CDH12: variants seen among roughly 807,000 people sequenced by gnomAD.
The protein encoded by CDH12 is cadherin-12.
In CDH12, 41 loss-of-function variants were observed where a neutral mutation model predicts 74.1. The ratio of observed to expected loss-of-function variants is 0.55; its 90% confidence interval spans 0.43 to 0.72. The LOEUF (loss-of-function observed/expected upper bound fraction) is 0.72. Among genes scored for constraint, CDH12 ranks in the 30% least tolerant of loss-of-function variants. The pLI is 0.00. For synonymous variants in CDH12, 399 were observed against 355.0 expected, an observed-to-expected ratio of 1.12 and a Z score of -1.39; for missense variants, 945 against 977.2, an observed-to-expected ratio of 0.97 and a Z score of 0.44.
intron 3 of CDH12, among the ~76,000 whole-genome samples, chr5:22,358,628 C>T (rs1014149554): frequency 6.6e-6 from 1 of 152,018 alleles, no homozygotes; most frequent in Non-Finnish European, 1.5e-5. Context: ...CAAATGTGGC[C>T]CAGGGCCTAT....
intron 2 of CDH12, among the ~76,000 whole-genome samples, chr5:22,485,089 C>T (rs188560706): frequency 6.6e-6 from 1 of 152,244 alleles, no homozygotes; most frequent in Admixed American, 6.5e-5. Context: ...AATGAAAATA[C>T]ACCACATGAA....
At chr5:21,771,968 A>T (rs1273624304) in intron 11 of CDH12, among the ~76,000 whole-genome samples, 2 of 152,072 alleles carry the variant, frequency 1.3e-5, no homozygotes, top group East Asian at 3.9e-4. Flanking sequence ...CTTTGTTTCA[A>T]TGTTATTGCT....
At chr5:22,840,543 GTTA>G (rs1462693029) in intron 1 of CDH12, among the ~76,000 whole-genome samples, 3 of 149,978 alleles carry the variant, frequency 2.0e-5, no homozygotes, top group Admixed American at 6.7e-5. Context: ...AATATGCTAT[GTTA>G]TTATATATTA....
chr5:22,705,610 A>G (rs1255921224), intron 1 of CDH12, among the ~76,000 whole-genome samples: 1 of 151,966 alleles, frequency 6.6e-6, no homozygotes, highest in Non-Finnish European at 1.5e-5. Flanking sequence ...TTACAATATT[A>G]TAGTATTTTT....
At chr5:22,228,492 T>C (rs1399583169) in intron 3 of CDH12, among the ~76,000 whole-genome samples, 1 of 152,184 alleles carries the variant, frequency 6.6e-6, no homozygotes, top group Non-Finnish European at 1.5e-5. Flanking sequence ...TACCCCTCTG[T>C]ATATAAATGT....
At chr5:22,738,051 A>G (rs1402883596) in intron 1 of CDH12, among the ~76,000 whole-genome samples, 1 of 151,930 alleles carries the variant, frequency 6.6e-6, no homozygotes, top group Non-Finnish European at 1.5e-5. Flanking sequence ...GACATGGTAC[A>G]TTGGGTGAGG....
chr5:22,174,053 C>T (rs1035876117), intron 4 of CDH12, among the ~76,000 whole-genome samples: 10 of 151,832 alleles, frequency 6.6e-5, no homozygotes, highest in African/African-American at 2.4e-4. Flanking sequence ...CAATGCTTTA[C>T]GAATAAATAT....
At chr5:22,584,289 G>A (rs146037791) in intron 1 of CDH12, among the ~76,000 whole-genome samples, 18 of 152,030 alleles carry the variant, frequency 1.2e-4, no homozygotes, top group African/African-American at 2.9e-4. Flanking sequence ...TAGCAGAGAC[G>A]GGGTTTCACC....
At chr5:22,823,783 G>GCT (rs1561057292) in intron 1 of CDH12, among the ~76,000 whole-genome samples, 1 of 151,852 alleles carries the variant, frequency 6.6e-6, no homozygotes, top group Non-Finnish European at 1.5e-5. Flanking sequence ...AGGGCTTTTT[G>GCT]CTCTCTCTTT....
At chr5:22,088,078 T>C (rs1743184605) in intron 4 of CDH12, among the ~76,000 whole-genome samples, 1 of 152,206 alleles carries the variant, frequency 6.6e-6, no homozygotes, top group Admixed American at 6.5e-5. Flanking sequence ...AGGTGCATTC[T>C]GAGAGTGAAA....
chr5:22,715,799 TAAAAAAAAAAAAAAAGA>T (rs199595697), intron 1 of CDH12, among the ~76,000 whole-genome samples: 40,679 of 120,932 alleles, frequency 0.34, 5,659 homozygotes, highest in South Asian at 0.37. Context: ...AGATCCCATC[TAAAAAAAAAAAAAAAGA>T]AAAAAAAGAA....
chr5:22,739,252 G>T (rs1311433804), intron 1 of CDH12, among the ~76,000 whole-genome samples: 1 of 151,662 alleles, frequency 6.6e-6, no homozygotes, highest in African/African-American at 2.4e-5. Flanking sequence ...ATGTATTAGG[G>T]CCTATCTAAT....
intron 6 of CDH12, among the ~76,000 whole-genome samples, chr5:21,855,425 A>G (rs944338926): frequency 2.5e-4 from 38 of 151,664 alleles, no homozygotes; most frequent in Admixed American, 4.0e-4. Context: ...TGGCATGGGT[A>G]TATTTTTTCT....
intron 3 of CDH12, among the ~76,000 whole-genome samples, chr5:22,307,638 A>C (rs1404744855): frequency 6.6e-6 from 1 of 152,122 alleles, no homozygotes; most frequent in African/African-American, 2.4e-5. Context: ...ATACCAAGAA[A>C]TATTGTGTTT....
chr5:22,676,608 A>G (rs541202741), intron 1 of CDH12, among the ~76,000 whole-genome samples: 1 of 152,314 alleles, frequency 6.6e-6, no homozygotes, highest in East Asian at 1.9e-4. Context: ...ATTCTAATGT[A>G]TTGTCAAGTA....
intron 5 of CDH12, among the ~76,000 whole-genome samples, chr5:22,032,662 C>T (rs988668941): frequency 2.7e-5 from 4 of 149,558 alleles, no homozygotes; most frequent in African/African-American, 7.4e-5. Flanking sequence ...GAGCCGAGAT[C>T]GTGCCACTGT....
At chr5:22,492,056 G>A (rs899070824) in intron 2 of CDH12, among the ~76,000 whole-genome samples, 21 of 152,122 alleles carry the variant, frequency 1.4e-4, no homozygotes, top group Admixed American at 3.9e-4. Flanking sequence ...GAGTTGGGAC[G>A]TTAGCATATG....
At chr5:21,883,323 C>G in intron 6 of CDH12, 1 of 1,514,546 alleles carries the variant, frequency 6.6e-7, no homozygotes, top group Non-Finnish European at 9.2e-7. Context: ...TGCCTATGTT[C>G]TGTTGAGTGA....
chr5:22,173,754 G>A (rs1196216184), intron 4 of CDH12, among the ~76,000 whole-genome samples: 3 of 151,808 alleles, frequency 2.0e-5, no homozygotes, highest in Admixed American at 6.6e-5. Context: ...TAACACTTAC[G>A]TAATGTGTAA....
Sources: gnomAD v4.1 joint callset for allele counts (sites outside exome capture counted in the v4.1 genomes callset) on GRCh38, gnomAD v4.1.1 for gene constraint, MANE v1.5 for transcripts, NCBI Gene and HGNC (gene_info 2026-07-23, HGNC 2026-07-21) for gene names.